PCSK2: variants seen among roughly 807,000 people sequenced by gnomAD.
PCSK2 encodes the protein proprotein convertase subtilisin/kexin type 2, also known as neuroendocrine convertase 2.
PCSK2 carries 14 observed loss-of-function variants against 69.7 expected under a neutral mutation model. The observed-to-expected ratio is 0.20, with a 90% CI of 0.13 to 0.31. PCSK2 has a LOEUF of 0.31. Among genes scored for constraint, PCSK2 ranks in the 10% least tolerant of loss-of-function variants. The pLI, the probability that PCSK2 is intolerant of heterozygous loss-of-function variation, is 1.00. For missense variants in PCSK2, 544 were observed against 842.5 expected (o/e 0.65, Z 4.39); for synonymous variants, 307 against 320.7 (o/e 0.96, Z 0.46).
chr20:17,372,066 TGG>T (rs2030780647), intron 5 of PCSK2, among the ~76,000 whole-genome samples: 3 of 152,274 alleles, frequency 2.0e-5, no homozygotes, highest in Admixed American at 2.0e-4. Context: ...CACCAATGGG[TGG>T]TAACCACAGA....
At chr20:17,292,987 G>C (rs1988748598) in intron 2 of PCSK2, among the ~76,000 whole-genome samples, 1 of 152,030 alleles carries the variant, frequency 6.6e-6, no homozygotes, top group South Asian at 2.1e-4. Flanking sequence ...ATTATGCCTG[G>C]CTAATTTTTG....
intron 2 of PCSK2, among the ~76,000 whole-genome samples, chr20:17,264,971 C>G (rs1987536965): frequency 6.6e-6 from 1 of 152,094 alleles, no homozygotes; most frequent in South Asian, 2.1e-4. Flanking sequence ...TCAAGTGTTT[C>G]TTGTGCCTCA....
At chr20:17,359,617 C>T (rs1044768575) in intron 3 of PCSK2, among the ~76,000 whole-genome samples, 23 of 152,210 alleles carry the variant, frequency 1.5e-4, no homozygotes, top group Admixed American at 4.6e-4. Flanking sequence ...TGGCCAAAAT[C>T]AGTCATCCGC....
chr20:17,264,505 G>A (rs1477342400), intron 2 of PCSK2, among the ~76,000 whole-genome samples: 1 of 152,138 alleles, frequency 6.6e-6, no homozygotes, highest in Non-Finnish European at 1.5e-5. Context: ...GTATCCACAT[G>A]TTTAATAACC....
At chr20:17,334,774 C>T (rs1299991341) in intron 2 of PCSK2, among the ~76,000 whole-genome samples, 1 of 152,200 alleles carries the variant, frequency 6.6e-6, no homozygotes, top group East Asian at 1.9e-4. Flanking sequence ...GGATGGAAAT[C>T]TGCGCCACCA....
intron 6 of PCSK2, among the ~76,000 whole-genome samples, chr20:17,428,885 G>C (rs1416985229): frequency 6.6e-6 from 1 of 150,406 alleles, no homozygotes; most frequent in Non-Finnish European, 1.5e-5. Flanking sequence ...TGTGGTCCCA[G>C]CTACTGAAGA....
chr20:17,292,903 C>T (rs1257436099), intron 2 of PCSK2, among the ~76,000 whole-genome samples: 1 of 152,116 alleles, frequency 6.6e-6, no homozygotes, highest in Non-Finnish European at 1.5e-5. Context: ...CAGCTCACTG[C>T]AGCCCCTGCC....
At chr20:17,270,553 C>G (rs999603328) in intron 2 of PCSK2, among the ~76,000 whole-genome samples, 4 of 152,120 alleles carry the variant, frequency 2.6e-5, no homozygotes, top group Admixed American at 2.6e-4. Flanking sequence ...TTCATCTTCT[C>G]TACGATGAGC....
At chr20:17,408,378 A>T (rs2031797524) in intron 5 of PCSK2, among the ~76,000 whole-genome samples, 1 of 152,172 alleles carries the variant, frequency 6.6e-6, no homozygotes, top group Admixed American at 6.5e-5. Flanking sequence ...CAAACCAACT[A>T]AAGACCTAAA....
Position 17,473,001 on chromosome 20 carries a change from G to A in PCSK2, c.1430+7448G>A, listed in dbSNP as rs192093149. ...GATACACAATAAAATAAAGATACAA[G>A]CCACCCCGACAACCCCAAGTTTGTC... On this transcript the variant is annotated intron_variant, in intron 11 of 11. Coordinates refer to ENST00000262545, the MANE Select transcript of PCSK2 (RefSeq NM_002594.5). Among the ~76,000 whole-genome samples, 226 of 150,742 alleles carry A rather than the reference G, an allele frequency of 1.5e-3. 1 individual carries two copies. The highest frequency in any genetic ancestry group is 5.3e-3 in the African/African-American group (219 of 41,034).
At position 17,453,888 on chromosome 20, in the gene PCSK2, C is replaced by T. The variant is rs1193757704; in HGVS notation, c.1032C>T (p.Asp344=). Reference sequence around the variant, plus strand: ...ACGACGGCAGGACTGCCCTGTACGACGAGAGCTGCTCTTCCACCTTGGCTT... The same window carrying T: ...ACGACGGCAGGACTGCCCTGTACGATGAGAGCTGCTCTTCCACCTTGGCTT... ...AINDGRTALY[D]ESCSSTLAST... is the part of the protein sequence containing the mutation. The change falls in exon 9 of 12, where the codon GAC becomes GAT. Residue 344 remains aspartate, a synonymous_variant. Transcript: ENST00000262545. This position sits in a 1 kb window ranked among gnomAD's most constrained non-coding sequence, Gnocchi z 4.0. The T allele has an allele frequency of 6.2e-7, 1 of 1,614,246 alleles. No homozygotes were observed. The highest frequency in any genetic ancestry group is 8.5e-7 in the Non-Finnish European group (1 of 1,180,032).
intron 5 of PCSK2, 139 bp downstream of exon 5, chr20:17,369,416 AGGAGTACAGCTGCTGGAACATATGCACG>A: frequency 1.4e-6 from 1 of 723,168 alleles, no homozygotes; most frequent in Non-Finnish European, 2.5e-6. Context: ...ACACACACAC[AGGAGTACAGCTGCTGGAACATATGCACG>A]CACACATGGA....
intron 2 of PCSK2, among the ~76,000 whole-genome samples, chr20:17,324,123 A>G (rs868343884): frequency 6.6e-6 from 1 of 152,238 alleles, no homozygotes; most frequent in African/African-American, 2.4e-5. Context: ...TGTGGACAGT[A>G]GTAACAAGCC....
At chr20:17,344,359 A>AT (rs56145833) in intron 2 of PCSK2, among the ~76,000 whole-genome samples, 25,093 of 151,956 alleles carry the variant, frequency 0.17, 2,620 homozygotes, top group Non-Finnish European at 0.24. Context: ...TTCAACACAC[A>AT]TTTTTTTTCT....
chr20:17,405,721 T>C (rs1352249251), intron 5 of PCSK2, among the ~76,000 whole-genome samples: 1 of 152,242 alleles, frequency 6.6e-6, no homozygotes. Context: ...TTCTTCCTAA[T>C]TATGCATTCA....
chr20:17,431,422 T>C (rs2032364889), intron 7 of PCSK2, among the ~76,000 whole-genome samples: 1 of 152,014 alleles, frequency 6.6e-6, no homozygotes, highest in South Asian at 2.1e-4. Context: ...GAGGACCCGG[T>C]GGGTGCAGCA....
intron 8 of PCSK2, among the ~76,000 whole-genome samples, chr20:17,438,226 T>C (rs1229986633): frequency 6.6e-6 from 1 of 152,252 alleles, no homozygotes; most frequent in African/African-American, 2.4e-5. Flanking sequence ...AGCACTATTA[T>C]AAATATTTTA....
chr20:17,346,862 G>A (rs773436651), intron 2 of PCSK2, among the ~76,000 whole-genome samples: 14 of 152,058 alleles, frequency 9.2e-5, no homozygotes, highest in Non-Finnish European at 1.5e-4. Context: ...AACCAATATA[G>A]AAGCTGAGAT....
chr20:17,416,650 G>C lies in PCSK2; in HGVS notation c.620+7311G>C, dbSNP rs376931005. On this transcript the variant is annotated intron_variant, in intron 6 of 11. Coordinates refer to ENST00000262545, the MANE Select transcript of PCSK2 (RefSeq NM_002594.5). ...GGATCTAGAACTAGAAATATCATTT[G>C]ACCCAGCAATCCAACTACTGGATAT... Among the ~76,000 whole-genome samples, 4 of 152,264 alleles carry C rather than the reference G, an allele frequency of 2.6e-5. No individual in the cohort carries two copies. In the East Asian group the frequency reaches 7.7e-4, roughly 29 times the overall value.
Sources: allele counts gnomAD v4.1 joint callset (sites outside exome capture counted in the v4.1 genomes callset), GRCh38; gene constraint gnomAD v4.1.1; non-coding constraint Gnocchi (gnomAD v3.1); transcripts MANE v1.5; gene names NCBI Gene and HGNC (gene_info 2026-07-23, HGNC 2026-07-21).